DRC11: variants seen among roughly 807,000 people sequenced by gnomAD.
The protein encoded by DRC11 is dynein regulatory complex subunit 11, also known as IQ and AAA domain-containing protein 1.
chr2:236,504,650 C>G, the DRC11 span, among the ~76,000 whole-genome samples: 1 of 152,090 alleles, frequency 6.6e-6, no homozygotes, highest in Non-Finnish European at 1.5e-5. This position sits in a 1 kb window ranked among gnomAD's most constrained non-coding sequence, Gnocchi z 5.0. Flanking sequence ...GGCTGTGTCC[C>G]GACCCAAATC....
chr2:236,416,597 C>A, the DRC11 span, among the ~76,000 whole-genome samples: 3 of 150,834 alleles, frequency 2.0e-5, no homozygotes, highest in South Asian at 6.3e-4. Context: ...AGAACCACTG[C>A]GGGTCACAGT....
At chr2:236,480,129 A>G in the DRC11 span, among the ~76,000 whole-genome samples, 1 of 148,740 alleles carries the variant, frequency 6.7e-6, no homozygotes, top group East Asian at 2.0e-4. Context: ...GAGCTCCATT[A>G]TATGTTATTT....
the DRC11 span, chr2:236,399,342 G>A: frequency 4.1e-6 from 5 of 1,214,828 alleles, no homozygotes; most frequent in Non-Finnish European, 6.1e-6. The surrounding 1 kb of genome is among the most constrained non-coding windows in gnomAD (Gnocchi z 7.0). Context: ...GTGGCATACA[G>A]CAGCCTCCCG....
the DRC11 span, among the ~76,000 whole-genome samples, chr2:236,429,341 C>T: frequency 3.3e-5 from 5 of 152,178 alleles, no homozygotes; most frequent in Non-Finnish European, 1.5e-5. This position sits in a 1 kb window ranked among gnomAD's most constrained non-coding sequence, Gnocchi z 5.9. Context: ...AGGCCAGCTG[C>T]AGGTCATCAA....
the DRC11 span, among the ~76,000 whole-genome samples, chr2:236,357,567 T>C: frequency 8.4e-4 from 104 of 124,070 alleles, no homozygotes; most frequent in African/African-American, 3.3e-3. Context: ...TTTACATATA[T>C]GCATAGTTAT....
chr2:236,368,380 C>T, the DRC11 span: 19 of 740,238 alleles, frequency 2.6e-5, no homozygotes, highest in Middle Eastern at 2.3e-4. Flanking sequence ...ATCTGCAAAA[C>T]GATCGGAGAA....
chr2:236,356,726 C>T, the DRC11 span, among the ~76,000 whole-genome samples: 242 of 150,694 alleles, frequency 1.6e-3, no homozygotes, highest in African/African-American at 5.6e-3. Context: ...AAGCCCTTCC[C>T]GCTCCGCTGT....
chr2:236,353,226 G>A, the DRC11 span, among the ~76,000 whole-genome samples: 3 of 152,148 alleles, frequency 2.0e-5, no homozygotes, highest in Non-Finnish European at 2.9e-5. This position sits in a 1 kb window ranked among gnomAD's most constrained non-coding sequence, Gnocchi z 5.0. Context: ...GGTAGTTCAC[G>A]TCACCTGCCA....
At chr2:236,459,660 C>CATAT in the DRC11 span, among the ~76,000 whole-genome samples, 2 of 101,508 alleles carry the variant, frequency 2.0e-5, no homozygotes, top group Non-Finnish European at 4.7e-5. Flanking sequence ...TATGTATATA[C>CATAT]ATACGTATAT....
At chr2:236,357,396 A>ATG in the DRC11 span, among the ~76,000 whole-genome samples, 1 of 125,068 alleles carries the variant, frequency 8.0e-6, no homozygotes, top group African/African-American at 3.2e-5. Context: ...GATATTATAT[A>ATG]GTATATGCAT....
At chr2:236,359,044 C>A in the DRC11 span, among the ~76,000 whole-genome samples, 3 of 151,796 alleles carry the variant, frequency 2.0e-5, no homozygotes, top group Non-Finnish European at 4.4e-5. This position sits in a 1 kb window ranked among gnomAD's most constrained non-coding sequence, Gnocchi z 4.3. Context: ...TGGCCCCCGC[C>A]CTCCAGACCT....
chr2:236,459,911 C>T, the DRC11 span, among the ~76,000 whole-genome samples: 1 of 152,002 alleles, frequency 6.6e-6, no homozygotes, highest in Admixed American at 6.6e-5. Context: ...CTTATGACAA[C>T]TATAAGTGCT....
At chr2:236,307,322 G>T in the DRC11 span, among the ~76,000 whole-genome samples, 2 of 152,168 alleles carry the variant, frequency 1.3e-5, no homozygotes, top group African/African-American at 2.4e-5. The surrounding 1 kb of genome is among the most constrained non-coding windows in gnomAD (Gnocchi z 7.0). Context: ...AGGCTTAGAG[G>T]CCCGCGGGAA....
At chr2:236,332,115 C>A in the DRC11 span, 1 of 158,358 alleles carries the variant, frequency 6.3e-6, no homozygotes, top group Admixed American at 5.9e-5. This position sits in a 1 kb window ranked among gnomAD's most constrained non-coding sequence, Gnocchi z 5.1. Context: ...GTGGAAGACA[C>A]TGTATTACAC....
At chr2:236,504,704 G>T in the DRC11 span, among the ~76,000 whole-genome samples, 1 of 152,118 alleles carries the variant, frequency 6.6e-6, no homozygotes, top group African/African-American at 2.4e-5. This position sits in a 1 kb window ranked among gnomAD's most constrained non-coding sequence, Gnocchi z 5.0. Context: ...GTTGTAAGAG[G>T]GACCCAGTGG....
At chr2:236,346,299 G>A in the DRC11 span, among the ~76,000 whole-genome samples, 1 of 152,228 alleles carries the variant, frequency 6.6e-6, no homozygotes, top group South Asian at 2.1e-4. Flanking sequence ...ACCTGGCGCT[G>A]CCTCCTCCTG....
the DRC11 span, among the ~76,000 whole-genome samples, chr2:236,462,639 C>T: frequency 6.6e-6 from 1 of 152,118 alleles, no homozygotes; most frequent in Non-Finnish European, 1.5e-5. The surrounding 1 kb of genome is among the most constrained non-coding windows in gnomAD (Gnocchi z 6.4). Flanking sequence ...TCACTGCACT[C>T]CAGCCTGGGT....
the DRC11 span, among the ~76,000 whole-genome samples, chr2:236,462,563 C>A: frequency 2.6e-5 from 4 of 152,014 alleles, no homozygotes; most frequent in Admixed American, 2.0e-4. This position sits in a 1 kb window ranked among gnomAD's most constrained non-coding sequence, Gnocchi z 6.4. Flanking sequence ...CCCAGCTACT[C>A]GGGAGGCTGA....
the DRC11 span, among the ~76,000 whole-genome samples, chr2:236,505,064 A>C: frequency 6.6e-6 from 1 of 152,240 alleles, no homozygotes; most frequent in Non-Finnish European, 1.5e-5. Flanking sequence ...AACAGAAGGT[A>C]ATATTTTATC....
Sources: gnomAD v4.1 joint callset for allele counts (sites outside exome capture counted in the v4.1 genomes callset) on GRCh38, gnomAD v4.1.1 for gene constraint, Gnocchi (gnomAD v3.1) non-coding constraint, MANE v1.5 for transcripts, NCBI Gene and HGNC (gene_info 2026-07-23, HGNC 2026-07-21) for gene names.